Variants in DLL3 observed in about 807,000 individuals in gnomAD.
DLL3 encodes the protein delta like canonical Notch ligand 3.
In DLL3, 49 loss-of-function variants were observed where a neutral mutation model predicts 55.0. The ratio of observed to expected loss-of-function variants is 0.89; its 90% CI spans 0.71 to 1.13. DLL3 has a LOEUF of 1.13. Ranked by LOEUF, DLL3 falls within the 50% of genes most tolerant of loss-of-function variation. DLL3 has a pLI of 0.00. For missense variants in DLL3, 962 were observed against 875.5 expected (o/e 1.10, Z -1.25); for synonymous variants, 421 against 385.2 (o/e 1.09, Z -1.09).
Position 39,508,374 on chromosome 19 carries a change from C to T in DLL3, c.*117C>T. The T allele has an allele frequency of 2.5e-6, 3 of 1,198,708 alleles. No homozygotes were observed. The South Asian group carries it at 3.7e-5, about 15-fold the overall frequency. The allele number at this position is 1,198,708 out of a possible 1,614,324, so 74.3% of individuals were successfully genotyped here. ...AATCTTGAAGGGGTGTCTGGGGGAA[C>T]TTTACTGTTGCAAGTTGTAAATAAT... On this transcript the variant is annotated 3_prime_UTR_variant, in exon 9 of 9. Transcript: ENST00000356433.
At chr19:39,504,487 G>A (rs1402525808) in intron 5 of DLL3, among the ~76,000 whole-genome samples, 199 bp downstream of exon 5, 2 of 152,214 alleles carry the variant, frequency 1.3e-5, no homozygotes, top group Admixed American at 1.3e-4. Flanking sequence ...GGGGAGAGCA[G>A]GCTCAGTGGG....
At chr19:39,502,745 C>CG in intron 3 of DLL3, 70 bp from the exon 4 acceptor site, 1 of 1,289,224 alleles carries the variant, frequency 7.8e-7, no homozygotes, top group Non-Finnish European at 9.8e-7. Context: ...AGAATGCGGC[C>CG]GGGGCGCTCC....
At chr19:39,500,540 A>G in intron 2 of DLL3, 75 bp from the exon 3 acceptor site, 9 of 1,364,880 alleles carry the variant, frequency 6.6e-6, no homozygotes, top group Non-Finnish European at 9.4e-6. Flanking sequence ...CCATTCCTGA[A>G]CTCTGGCCTT....
At chr19:39,499,560 G>C (rs1357704519) in intron 2 of DLL3, 87 bp downstream of exon 2, 1 of 1,515,192 alleles carries the variant, frequency 6.6e-7, no homozygotes, top group African/African-American at 1.4e-5. Context: ...CAGCTTCCAA[G>C]ACCCTAATCC....
chr19:39,502,186 C>CA (rs1367698679), intron 3 of DLL3, among the ~76,000 whole-genome samples: 11 of 148,974 alleles, frequency 7.4e-5, no homozygotes, highest in South Asian at 2.1e-4. Flanking sequence ...GACTCCGTCG[C>CA]AAAAAACAAA....
chr19:39,503,080 C>T, intron 4 of DLL3, 23 bp downstream of exon 4: 1 of 1,520,166 alleles, frequency 6.6e-7, no homozygotes, highest in African/African-American at 1.4e-5. Context: ...TTCGACCCCA[C>T]CCCGTCCCAG....
rs1373520234 is a variant in DLL3 at position 39,507,339 on chromosome 19, A to G, written c.1394A>G (p.Glu465Gly). ...CAPGYMGARC[E>G]FPVHPDGASA... ...CCCGGCTACATGGGAGCGCGGTGTG[A>G]GTTCCCAGTGCACCCCGACGGCGCA... The change falls in exon 7 of 9, where the codon GAG becomes GGG. Residue 465 changes from glutamate to glycine, a missense_variant. By Grantham distance (98) the Glu-to-Gly change is moderately conservative. Transcript: ENST00000356433. 1.3e-6 allele frequency: 2 copies of G among 1,571,254 alleles called. No homozygotes were observed. The highest frequency in any genetic ancestry group is 1.7e-6 in the Non-Finnish European group (2 of 1,165,932).
At chr19:39,503,090 G>C (rs111827161) in intron 4 of DLL3, 33 bp downstream of exon 4, 1 of 1,517,320 alleles carries the variant, frequency 6.6e-7, no homozygotes, top group Admixed American at 2.0e-5. Context: ...CCCCGTCCCA[G>C]CCGGGGACCC....
rs1187865013 is a variant in DLL3, at chr19:39,499,350, G to A, written c.228G>A (p.Pro76=). Residue 76 remains proline (P), a synonymous_variant, in exon 2 of 9, where the codon CCG becomes CCA. Transcript: ENST00000356433. ...PGLSEEAAES[P]CALGAALSAR... ...TCTCAGAGGAGGCCGCCGAGTCCCC[G>A]TGCGCCCTGGGCGCGGCGCTGAGTG... 1.9e-6 allele frequency: 3 copies of A among 1,555,058 alleles called. No homozygotes were observed. The highest frequency in any genetic ancestry group is 1.9e-5 in the Admixed American group (1 of 53,358).
chr19:39,505,435 G>T lies in DLL3; in HGVS notation c.1077G>T (p.Leu359=). 6.2e-7 allele frequency: 1 copy of T among 1,614,084 alleles called. No homozygotes were observed. Among genetic ancestry groups the T allele is most frequent in the Non-Finnish European group, 8.5e-7 (1 of 1,180,004 alleles). Residue 359 remains leucine (L), a synonymous_variant, in exon 6 of 9, where the codon CTG becomes CTT. Coordinates refer to ENST00000356433, the MANE Select transcript of DLL3 (RefSeq NM_203486.3). ...NCEKRVDRCS[L]QPCRNGGLCL... Reference sequence around the variant, plus strand: ...AGAAGAGGGTGGACCGGTGCAGCCTGCAGCCATGCCGCAATGGTGAGGCCT... The same window carrying T: ...AGAAGAGGGTGGACCGGTGCAGCCTTCAGCCATGCCGCAATGGTGAGGCCT...
At chr19:39,506,655 C>A (rs1465680525) in intron 6 of DLL3, among the ~76,000 whole-genome samples, 12 of 151,508 alleles carry the variant, frequency 7.9e-5, no homozygotes, top group Non-Finnish European at 1.8e-4. Flanking sequence ...GGAGTAGAAA[C>A]CTGAGGGGTG....
chr19:39,504,563 C>T (rs1314348418), intron 5 of DLL3, among the ~76,000 whole-genome samples: 1 of 152,226 alleles, frequency 6.6e-6, no homozygotes, highest in Non-Finnish European at 1.5e-5. Context: ...GCCCCTACTG[C>T]GGGACTGAGA....
At chr19:39,507,013 G>A (rs1382032084) in intron 6 of DLL3, 26 bp from the exon 7 acceptor site, 2 of 1,531,464 alleles carry the variant, frequency 1.3e-6, no homozygotes. Context: ...CCCGGACTGC[G>A]CCCTCTGATG....
chr19:39,507,604 C>T lies in DLL3; in HGVS notation c.1659C>T (p.Ser553=). ...ACAACCTAAGGACGCAGGAGGGTTC[C>T]GGGGATGGTCCGAGGTGAGGGGCTG... is the stretch of plus-strand genomic sequence containing the variant. ...ALNNLRTQEG[S]GDGPSSSVDW... is the part of the protein sequence containing the mutation. Residue 553 remains serine (S), a synonymous_variant, in exon 7 of 9, where the codon TCC becomes TCT. Transcript: ENST00000356433. 1 of 1,607,720 alleles carries T rather than the reference C, an allele frequency of 6.2e-7. No individual in the cohort carries two copies. Among genetic ancestry groups the T allele is most frequent in the Non-Finnish European group, 8.5e-7 (1 of 1,177,704 alleles).
At chr19:39,502,410 G>A (rs1347998731) in intron 3 of DLL3, among the ~76,000 whole-genome samples, 4 of 150,600 alleles carry the variant, frequency 2.7e-5, no homozygotes, top group South Asian at 2.2e-4. Flanking sequence ...TTACAGGTGC[G>A]TGCCACCACG....
At chr19:39,503,427 C>G (rs1399591392) in intron 4 of DLL3, among the ~76,000 whole-genome samples, 1 of 152,166 alleles carries the variant, frequency 6.6e-6, no homozygotes, top group Admixed American at 6.5e-5. Flanking sequence ...AACCCACATT[C>G]ACACCCTGTC....
intron 6 of DLL3, chr19:39,505,748 A>G (rs2144762457): frequency 2.4e-6 from 1 of 411,646 alleles, no homozygotes; most frequent in Non-Finnish European, 4.6e-6. Context: ...TGTGCTGAGG[A>G]TAAGCAGGGA....
chr19:39,507,269 G>T lies in DLL3; in HGVS notation c.1324G>T (p.Gly442Cys), dbSNP rs754798552. Residue 442 changes from glycine to cysteine, a missense_variant, in exon 7 of 9, where the codon GGC (glycine) becomes TGC (cysteine). Transcript: ENST00000356433. ...CGCCGCGCGCCCCTGTGCTCACGGC[G>T]GCCGCTGCTACGCCCACTTCTCCGG... ...PCAARPCAHG[G>C]RCYAHFSGLV... 1.3e-6 allele frequency: 2 copies of T among 1,531,536 alleles called. No individual in the cohort carries two copies. The highest frequency in any genetic ancestry group is 1.7e-6 in the Non-Finnish European group (2 of 1,145,626). The allele number at this position is 1,531,536 out of a possible 1,614,324, so 94.9% of individuals were successfully genotyped here. A position where few individuals can be genotyped will look rare whatever the true frequency, so the allele number is the denominator to read the frequency against.
Position 39,499,236 on chromosome 19 carries a change from G to T in DLL3, c.114G>T (p.Gly38=), listed in dbSNP as rs1026268120. ...TCGAGCTGCAGATCCACTCTTTCGG[G>T]CCGGGTCCAGGCCCTGGGGCCCCGC... ...GVFELQIHSF[G]PGPGPGAPRS... Residue 38 remains glycine, a synonymous_variant, in exon 2 of 9, where the codon GGG becomes GGT. Coordinates refer to ENST00000356433, the MANE Select transcript of DLL3 (RefSeq NM_203486.3). The T allele has an allele frequency of 4.5e-6, 7 of 1,549,878 alleles. No homozygotes were observed. The highest frequency in any genetic ancestry group is 6.1e-6 in the Non-Finnish European group (7 of 1,152,796).
Sources: gnomAD v4.1 joint callset for allele counts (sites outside exome capture counted in the v4.1 genomes callset) on GRCh38, gnomAD v4.1.1 for gene constraint, MANE v1.5 for transcripts, NCBI Gene and HGNC (gene_info 2026-07-23, HGNC 2026-07-21) for gene names.